The following B3GALT1 variants were observed in gnomAD, a reference collection of about 807,000 sequenced individuals.
B3GALT1 encodes UDP-Gal:betaGlcNAc beta 1,3-galactosyltransferase, polypeptide 1.
B3GALT1 carries 10 observed loss-of-function variants against 23.2 expected under a neutral mutation model. The ratio of observed to expected loss-of-function variants is 0.43; its 90% CI spans 0.27 to 0.73. The LOEUF is 0.73. B3GALT1 is among the 30% of genes least tolerant of loss of function. The pLI is 0.21. For missense variants in B3GALT1, 299 were observed against 405.4 expected, an observed-to-expected ratio of 0.74 and a Z score of 2.25; for synonymous variants, 156 against 141.5, an observed-to-expected ratio of 1.10 and a Z score of -0.73.
chr2:167,767,539 G>T (rs910042549), intron 3 of B3GALT1, among the ~76,000 whole-genome samples: 1 of 152,052 alleles, frequency 6.6e-6, no homozygotes, highest in Non-Finnish European at 1.5e-5. Context: ...ACTCAGACAT[G>T]TTATAACAAG....
chr2:167,776,428 G>A (rs769803018), intron 3 of B3GALT1, among the ~76,000 whole-genome samples: 2 of 152,136 alleles, frequency 1.3e-5, no homozygotes, highest in African/African-American at 4.8e-5. Context: ...CTTACTAAAC[G>A]TTTTCTCTAA....
intron 2 of B3GALT1, among the ~76,000 whole-genome samples, chr2:167,606,862 T>C (rs1331899697): frequency 1.3e-5 from 2 of 152,276 alleles, no homozygotes; most frequent in Non-Finnish European, 2.9e-5. Context: ...GATTTTGAAA[T>C]AAGAACTTTA....
chr2:167,322,094 G>A (rs575048292), intron 1 of B3GALT1, among the ~76,000 whole-genome samples: 69 of 151,962 alleles, frequency 4.5e-4, no homozygotes, highest in African/African-American at 1.3e-3. Context: ...AAATAAAGGC[G>A]CACTTCCTCA....
intron 2 of B3GALT1, among the ~76,000 whole-genome samples, chr2:167,504,046 C>T (rs1699884256): frequency 1.3e-5 from 2 of 152,250 alleles, no homozygotes; most frequent in East Asian, 1.9e-4. Context: ...ACAGAACTAC[C>T]ACATCAACAC....
In B3GALT1 at chr2:167,293,038, C is replaced by G. The variant is rs992099254; in HGVS notation, c.-807C>G. 6 of 151,892 alleles carry G rather than the reference C, an allele frequency of 4.0e-5. No individual in the cohort carries two copies. The East Asian group carries it at 5.8e-4, about 15-fold the overall frequency. 9.4% of individuals were successfully genotyped at this position (151,892 alleles called of 1,614,324 possible). A position where few individuals can be genotyped will look rare whatever the true frequency, so the allele number is the denominator to read the frequency against. ...GGGGAAGCGCAGCCGGGCTCGGGTG[C>G]TTCGGCTGCCGCCGCGGCTGCTCGG... On this transcript the variant is annotated 5_prime_UTR_variant, in exon 1 of 5. Coordinates refer to ENST00000392690, the MANE Select transcript of B3GALT1 (RefSeq NM_020981.4).
At chr2:167,556,245 A>G (rs559799785) in intron 2 of B3GALT1, among the ~76,000 whole-genome samples, 1 of 152,264 alleles carries the variant, frequency 6.6e-6, no homozygotes, top group South Asian at 2.1e-4. Flanking sequence ...TCAGAGGTTG[A>G]ATTAAAAAAA....
chr2:167,833,866 G>A (rs1689400909), intron 4 of B3GALT1, among the ~76,000 whole-genome samples: 1 of 152,138 alleles, frequency 6.6e-6, no homozygotes. Context: ...AGATACATCT[G>A]TATCTAAGGT....
chr2:167,439,170 T>C (rs1346722505), intron 1 of B3GALT1, among the ~76,000 whole-genome samples: 5 of 152,224 alleles, frequency 3.3e-5, no homozygotes, highest in African/African-American at 1.2e-4. Flanking sequence ...CATTCTTTGA[T>C]ACCTGACATA....
chr2:167,665,929 A>C (rs988061724), intron 3 of B3GALT1, among the ~76,000 whole-genome samples: 3 of 151,978 alleles, frequency 2.0e-5, no homozygotes, highest in Non-Finnish European at 2.9e-5. Context: ...GGATTCATTA[A>C]TTTTTTGAAG....
chr2:167,812,635 C>G (rs1016119583), intron 3 of B3GALT1, among the ~76,000 whole-genome samples: 10 of 152,170 alleles, frequency 6.6e-5, no homozygotes, highest in African/African-American at 2.2e-4. Context: ...TTGAGAACAA[C>G]TTGGGTTTTC....
intron 1 of B3GALT1, among the ~76,000 whole-genome samples, chr2:167,475,085 C>A (rs1699470280): frequency 6.6e-6 from 1 of 152,162 alleles, no homozygotes. Context: ...TTGCTTTCTG[C>A]AATTTCAATT....
At chr2:167,516,268 C>T (rs941218828) in intron 2 of B3GALT1, among the ~76,000 whole-genome samples, 2 of 152,092 alleles carry the variant, frequency 1.3e-5, no homozygotes, top group Admixed American at 1.3e-4. Flanking sequence ...GATTTAAGAA[C>T]TTACCAATGG....
intron 2 of B3GALT1, among the ~76,000 whole-genome samples, chr2:167,604,207 C>A (rs1326278728): frequency 1.3e-5 from 2 of 152,082 alleles, no homozygotes. Flanking sequence ...AGGTAGCTCC[C>A]AAAGACAAGG....
At chr2:167,824,330 A>G (rs1029048947) in intron 4 of B3GALT1, among the ~76,000 whole-genome samples, 1 of 152,202 alleles carries the variant, frequency 6.6e-6, no homozygotes, top group Admixed American at 6.5e-5. Context: ...CTGGAGTGTA[A>G]AGAAAGAAAT....
Position 167,813,004 on chromosome 2 carries a change from C to A in B3GALT1, c.-351-5668C>A, listed in dbSNP as rs539661126. ...GCACCACCACCACCCCCACCCCCCCCCACACAGTTCAGGGTCCCTCTGTTT... is the reference window on the plus strand; with the variant it reads ...GCACCACCACCACCCCCACCCCCCCACACACAGTTCAGGGTCCCTCTGTTT... On this transcript the variant is annotated intron_variant, in intron 3 of 4. Coordinates refer to ENST00000392690, the MANE Select transcript of B3GALT1 (RefSeq NM_020981.4). Among the ~76,000 whole-genome samples the A allele has an allele frequency of 1.7e-3, 247 of 143,910 alleles. 4 individuals carry two copies. Among genetic ancestry groups the A allele is most frequent in the Admixed American group, 3.3e-3 (47 of 14,262 alleles). 94.4% of individuals were successfully genotyped at this position (143,910 alleles called of 152,430 possible).
intron 1 of B3GALT1, among the ~76,000 whole-genome samples, chr2:167,329,408 C>T (rs752727024): frequency 1.6e-4 from 24 of 152,288 alleles, no homozygotes; most frequent in Admixed American, 5.9e-4. Flanking sequence ...TGTCACCTAA[C>T]ATAATGTGTA....
rs562589194 is a variant in B3GALT1 at position 167,559,354 on chromosome 2, G to A, written c.-410+69077G>A. 1.8e-4 allele frequency among the ~76,000 whole-genome samples: 28 copies of A among 152,200 alleles called. No homozygotes were observed. In the East Asian group the frequency reaches 5.4e-3, roughly 29 times the overall value. On this transcript the variant is annotated intron_variant, in intron 2 of 4. Coordinates refer to ENST00000392690, the MANE Select transcript of B3GALT1 (RefSeq NM_020981.4). Reference sequence around the variant, plus strand: ...AAGTAGATAAAACCACAAAGATGGGGAAAAAACAGAGCAGAAAAACTGGAA... The same window carrying A: ...AAGTAGATAAAACCACAAAGATGGGAAAAAAACAGAGCAGAAAAACTGGAA...
In B3GALT1 at chr2:167,637,003, T is replaced by C. The variant is rs569094116; in HGVS notation, c.-409-9906T>C. Among the ~76,000 whole-genome samples, 511 of 151,600 alleles carry C rather than the reference T, an allele frequency of 3.4e-3. 3 individuals are homozygous for C. The highest frequency in any genetic ancestry group is 5.5e-3 in the Non-Finnish European group (376 of 67,766). On this transcript the variant is annotated intron_variant, in intron 2 of 4. Coordinates refer to ENST00000392690, the MANE Select transcript of B3GALT1 (RefSeq NM_020981.4). ...AAAGTATAATAATAATAAAAAAAAA[T>C]AGAAGGTAGGTACTCAGTAGTATGC...
chr2:167,295,297 A>G (rs2105476013), intron 1 of B3GALT1, among the ~76,000 whole-genome samples: 1 of 152,334 alleles, frequency 6.6e-6, no homozygotes, highest in African/African-American at 2.4e-5. Context: ...GTTTTCTGAT[A>G]TGATTAAAGA....
Sources: gnomAD v4.1 joint callset for allele counts (sites outside exome capture counted in the v4.1 genomes callset) on GRCh38, gnomAD v4.1.1 for gene constraint, MANE v1.5 for transcripts, NCBI Gene and HGNC (gene_info 2026-07-23, HGNC 2026-07-21) for gene names.